The following CCDC88C variants were observed in gnomAD, a reference collection of about 807,000 sequenced individuals.
The protein encoded by CCDC88C is protein Daple.
In CCDC88C, 131 loss-of-function variants were observed where a neutral mutation model predicts 198.8. That is an observed-to-expected ratio of 0.66 (90% CI 0.57 to 0.76). The LOEUF (loss-of-function observed/expected upper bound fraction) is 0.76, where lower values mean the gene tolerates loss of function less well. Among genes scored for constraint, CCDC88C ranks in the 30% least tolerant of loss-of-function variants. The probability of loss-of-function intolerance (pLI) is 0.00; values close to 1 mark genes in which losing one functional copy is unlikely to be tolerated. For missense variants in CCDC88C, 2,553 were observed against 2,631.6 expected (o/e 0.97, Z 0.65); for synonymous variants, 1,166 against 1,114.7 (o/e 1.05, Z -0.92).
intron 13 of CCDC88C, among the ~76,000 whole-genome samples, chr14:91,317,233 T>C (rs1892142214): frequency 6.6e-6 from 1 of 152,240 alleles, no homozygotes; most frequent in African/African-American, 2.4e-5. Flanking sequence ...ATGTTTTAAC[T>C]TCAGGGAACT....
At chr14:91,396,544 G>A (rs1398962584) in intron 3 of CCDC88C, among the ~76,000 whole-genome samples, 1 of 152,108 alleles carries the variant, frequency 6.6e-6, no homozygotes, top group Non-Finnish European at 1.5e-5. Flanking sequence ...AGCTAACTAA[G>A]AATGAGCCCG....
chr14:91,333,236 T>A (rs1039985571), intron 10 of CCDC88C, among the ~76,000 whole-genome samples: 1 of 152,280 alleles, frequency 6.6e-6, no homozygotes, highest in Non-Finnish European at 1.5e-5. Flanking sequence ...ATGAATTCTC[T>A]TCGAAACATA....
At chr14:91,370,946 T>A (rs1231132523) in intron 3 of CCDC88C, among the ~76,000 whole-genome samples, 1 of 152,220 alleles carries the variant, frequency 6.6e-6, no homozygotes, top group Admixed American at 6.5e-5. Flanking sequence ...CCTTATGCCA[T>A]ACCAAGAAGC....
At chr14:91,300,963 A>G (rs1384289516) in intron 20 of CCDC88C, among the ~76,000 whole-genome samples, 1 of 152,160 alleles carries the variant, frequency 6.6e-6, no homozygotes, top group South Asian at 2.1e-4. Context: ...CTCACACCCA[A>G]AGACAATCTG....
chr14:91,382,145 G>C (rs1884836172), intron 3 of CCDC88C, among the ~76,000 whole-genome samples: 1 of 152,162 alleles, frequency 6.6e-6, no homozygotes, highest in African/African-American at 2.4e-5. Flanking sequence ...TGTAAGATGA[G>C]AGATAGCAAA....
intron 4 of CCDC88C, among the ~76,000 whole-genome samples, chr14:91,357,182 A>G (rs1894072924): frequency 6.6e-6 from 1 of 152,216 alleles, no homozygotes; most frequent in Admixed American, 6.5e-5. Context: ...TCGGAGCCTC[A>G]GTTCTCTCCC....
In CCDC88C at chr14:91,272,634, G is replaced by A. The variant is rs774273752; in HGVS notation, c.6078C>T (p.Gly2026=). Residue 2026 remains glycine, a synonymous_variant, in exon 30 of 30, where the codon GGC becomes GGT. Coordinates refer to ENST00000389857, the MANE Select transcript of CCDC88C (RefSeq NM_001080414.4). The part of the protein sequence containing the change: ...GDPQTVWYEY[G]CV ...CTCAACCACGAGACAGTCACACACA[G>A]CCGTACTCATACCACACGGTCTGCG... The A allele has an allele frequency of 3.7e-6, 6 of 1,610,104 alleles. No homozygotes were observed. Among genetic ancestry groups the A allele is most frequent in the South Asian group, 1.1e-5 (1 of 90,958 alleles).
rs1257859941 is a variant in CCDC88C at position 91,303,638 on chromosome 14, T to C, written c.3635+63A>G. On this transcript the variant is annotated intron_variant, in intron 20 of 29. Transcript: ENST00000389857. The stretch of plus-strand genomic sequence containing the variant: ...CTACCCCAGGCCCCACCTTTCCCCC[T>C]GGGCCCAGCCTCTCCTCTGGACTCT... 73 of 1,123,490 alleles carry C rather than the reference T, an allele frequency of 6.5e-5. No homozygotes were observed. The African/African-American group carries it at 1.2e-3, about 18-fold the overall frequency. 69.6% of individuals were successfully genotyped at this position (1,123,490 alleles called of 1,614,324 possible). A position where few individuals can be genotyped will look rare whatever the true frequency, so the allele number is the denominator to read the frequency against.
At chr14:91,316,143 T>A (rs1238287508) in intron 13 of CCDC88C, among the ~76,000 whole-genome samples, 5 of 152,118 alleles carry the variant, frequency 3.3e-5, no homozygotes, top group Non-Finnish European at 5.9e-5. Flanking sequence ...ACCTGGCTGC[T>A]CAAGTGGCCC....
intron 10 of CCDC88C, among the ~76,000 whole-genome samples, chr14:91,328,072 G>T (rs770994305): frequency 6.6e-6 from 1 of 152,174 alleles, no homozygotes; most frequent in Non-Finnish European, 1.5e-5. Flanking sequence ...TGAGCCTCGC[G>T]TAAGTGTTCA....
Position 91,339,786 on chromosome 14 carries a change from AG to A in CCDC88C, c.624+97del. The A allele has an allele frequency of 1.5e-6, 2 of 1,361,684 alleles. No individual in the cohort carries two copies. The highest frequency in any genetic ancestry group is 1.9e-6 in the Non-Finnish European group (2 of 1,026,096). The allele number at this position is 1,361,684 out of a possible 1,614,324, so 84.4% of individuals were successfully genotyped here. A position where few individuals can be genotyped will look rare whatever the true frequency, so the allele number is the denominator to read the frequency against. The stretch of plus-strand genomic sequence containing the variant: ...GTCCCACCCCCACCAGAACCTCAGC[AG>A]CAGGACCGAGGCGTCTAGGCTGAAG... On this transcript the variant is annotated intron_variant, in intron 7 of 29. Transcript: ENST00000389857. The surrounding 1 kb of genome is among the most constrained non-coding windows in gnomAD (Gnocchi z 5.8).
At chr14:91,348,697 A>G (rs1893655946) in intron 4 of CCDC88C, among the ~76,000 whole-genome samples, 1 of 152,202 alleles carries the variant, frequency 6.6e-6, no homozygotes, top group Admixed American at 6.5e-5. Flanking sequence ...CTGTTTGCTA[A>G]GGTTTGTAAC....
intron 21 of CCDC88C, among the ~76,000 whole-genome samples, chr14:91,299,506 A>C (rs1891176463): frequency 6.6e-6 from 1 of 152,228 alleles, no homozygotes; most frequent in African/African-American, 2.4e-5. Context: ...GTGCGTGTCC[A>C]CGAAAGCCCC....
At chr14:91,330,064 G>C (rs10140363) in intron 10 of CCDC88C, among the ~76,000 whole-genome samples, 95,156 of 152,192 alleles carry the variant, frequency 0.63, 30,136 homozygotes, top group Middle Eastern at 0.69. Context: ...GGACTGCCAT[G>C]TGCTGACCCC....
chr14:91,309,211 T>C (rs1356491282), intron 16 of CCDC88C, among the ~76,000 whole-genome samples: 2 of 152,130 alleles, frequency 1.3e-5, no homozygotes, highest in Admixed American at 1.3e-4. Flanking sequence ...CCTGCCTGGA[T>C]GACAGAGTGA....
chr14:91,334,231 A>G (rs1262169220), intron 10 of CCDC88C, among the ~76,000 whole-genome samples: 1 of 152,206 alleles, frequency 6.6e-6, no homozygotes, highest in Non-Finnish European at 1.5e-5. Flanking sequence ...CCTGCGGGTC[A>G]ACCTCAATTC....
intron 3 of CCDC88C, among the ~76,000 whole-genome samples, chr14:91,398,506 A>G (rs925203348): frequency 6.6e-6 from 1 of 151,860 alleles, no homozygotes; most frequent in African/African-American, 2.4e-5. Flanking sequence ...ATACAAAAAT[A>G]ATTAGCTGGG....
rs1003395204 is a variant in CCDC88C at position 91,288,982 on chromosome 14, G to A, written c.4441+123C>T. The A allele has an allele frequency of 3.8e-5, 28 of 730,350 alleles. No individual in the cohort carries two copies. Among genetic ancestry groups the A allele is most frequent in the South Asian group, 2.2e-4 (14 of 63,974 alleles). 45.2% of individuals were successfully genotyped at this position (730,350 alleles called of 1,614,324 possible). ...TACTTGGCTCGTAACACATCTAAGC[G>A]AAGGCGCACATGCAGTCACCCACCC... On this transcript the variant is annotated intron_variant, in intron 25 of 29. Coordinates refer to ENST00000389857, the MANE Select transcript of CCDC88C (RefSeq NM_001080414.4). The surrounding 1 kb of genome is among the most constrained non-coding windows in gnomAD (Gnocchi z 4.2).
intron 6 of CCDC88C, among the ~76,000 whole-genome samples, chr14:91,341,353 T>C (rs887733228): frequency 2.6e-5 from 4 of 152,146 alleles, no homozygotes; most frequent in Admixed American, 2.0e-4. Flanking sequence ...TTTATTGAAA[T>C]GCTTATGCCC....
Sources: allele counts gnomAD v4.1 joint callset (sites outside exome capture counted in the v4.1 genomes callset), GRCh38; gene constraint gnomAD v4.1.1; non-coding constraint Gnocchi (gnomAD v3.1); transcripts MANE v1.5; gene names NCBI Gene and HGNC (gene_info 2026-07-23, HGNC 2026-07-21).